Variants in NOL4 observed in about 807,000 individuals in gnomAD.
NOL4 encodes the protein nucleolar protein 4.
NOL4 carries 17 observed loss-of-function variants against 75.9 expected under a neutral mutation model. The observed-to-expected ratio is 0.22, with a 90% CI of 0.15 to 0.34. The LOEUF is 0.34. NOL4 is among the 10% of genes least tolerant of loss of function. The probability of loss-of-function intolerance (pLI) is 1.00; values close to 1 mark genes in which losing one functional copy is unlikely to be tolerated. For synonymous variants in NOL4, 292 were observed against 289.9 expected, an observed-to-expected ratio of 1.01 and a Z score of -0.07; for missense variants, 614 against 793.5, an observed-to-expected ratio of 0.77 and a Z score of 2.72.
At chr18:34,200,918 A>C (rs1164820821) in intron 1 of NOL4, among the ~76,000 whole-genome samples, 1 of 151,816 alleles carries the variant, frequency 6.6e-6, no homozygotes, top group Non-Finnish European at 1.5e-5. Flanking sequence ...AGTGGATAAG[A>C]AATTTCAAAC....
chr18:33,891,658 G>A (rs74568481), intron 9 of NOL4, among the ~76,000 whole-genome samples: 19 of 152,280 alleles, frequency 1.2e-4, no homozygotes, highest in African/African-American at 2.2e-4. Context: ...AATGAAATGC[G>A]CTTGCAGAAG....
intron 10 of NOL4, among the ~76,000 whole-genome samples, chr18:33,876,468 A>G (rs912126517): frequency 6.6e-6 from 1 of 152,080 alleles, no homozygotes; most frequent in Non-Finnish European, 1.5e-5. Context: ...CCTAAACTCA[A>G]GAATTCTCAA....
intron 6 of NOL4, among the ~76,000 whole-genome samples, chr18:33,970,924 G>T (rs1360152105): frequency 6.6e-6 from 1 of 152,132 alleles, no homozygotes; most frequent in African/African-American, 2.4e-5. Flanking sequence ...ATGAGTTTAT[G>T]TCATGCAAAC....
chr18:33,886,901 T>C (rs1259993187), intron 9 of NOL4, among the ~76,000 whole-genome samples: 1 of 134,948 alleles, frequency 7.4e-6, no homozygotes, highest in Non-Finnish European at 1.6e-5. Flanking sequence ...ATATATTATA[T>C]CTAGATATAT....
chr18:34,197,499 C>T (rs1042309193), intron 1 of NOL4, among the ~76,000 whole-genome samples: 6 of 151,912 alleles, frequency 3.9e-5, no homozygotes, highest in South Asian at 2.1e-4. Flanking sequence ...CAGAAGCTAA[C>T]GAATAGTGGC....
intron 1 of NOL4, among the ~76,000 whole-genome samples, chr18:34,219,950 C>T (rs915424718): frequency 2.0e-5 from 3 of 152,210 alleles, no homozygotes; most frequent in African/African-American, 7.2e-5. Flanking sequence ...TATGTCCCCT[C>T]AGGTTTAGAC....
chr18:33,973,012 T>C (rs1306006118), intron 6 of NOL4, among the ~76,000 whole-genome samples: 9 of 152,208 alleles, frequency 5.9e-5, no homozygotes, highest in African/African-American at 2.2e-4. Flanking sequence ...TTCCTTTCAT[T>C]CAAGATTTCT....
Position 34,104,134 on chromosome 18 carries a change from C to A in NOL4, c.552G>T (p.Val184=). ...HKDNGKPPTL[V]TSMIDYNMPI... ...GCATGTTGTAGTCAATCATGCTGGT[C>A]ACCAAAGTGGGAGGTTTTCCATTAT... The change falls in exon 4 of 11, where the codon GTG becomes GTT. Residue 184 remains valine, a synonymous_variant. Coordinates refer to ENST00000261592, the MANE Select transcript of NOL4 (RefSeq NM_003787.5). The A allele has an allele frequency of 6.2e-7, 1 of 1,610,824 alleles. No homozygotes were observed. The highest frequency in any genetic ancestry group is 1.1e-5 in the South Asian group (1 of 90,894).
At position 33,940,538 on chromosome 18, in the gene NOL4, G is replaced by A. The variant is rs537267047; in HGVS notation, c.1542+2527C>T. Among the ~76,000 whole-genome samples the A allele has an allele frequency of 1.3e-3, 193 of 152,068 alleles. 1 individual carries two copies. The highest frequency in any genetic ancestry group is 4.1e-3 in the African/African-American group (172 of 41,496). ...CACAGGGAGGGAACATCACACACCG[G>A]GGCCTGTCGGGGAGTAGGAGGCTAG... On this transcript the variant is annotated intron_variant, in intron 9 of 10. Transcript: ENST00000261592.
rs747723395 is a variant in NOL4, at chr18:34,019,478, T to C, written c.896A>G (p.Gln299Arg). Reference sequence around the variant, plus strand: ...ACTCAGGTTCAGTGGCTGTTCATCTTGCTCCAGCCCAGTTTTGCCATCACT... The same window carrying C: ...ACTCAGGTTCAGTGGCTGTTCATCTCGCTCCAGCCCAGTTTTGCCATCACT... ...SNSDGKTGLE[Q>R]DEQPLNLSDS... Residue 299 changes from glutamine (Q) to arginine (R), a missense_variant, in exon 6 of 11, where the codon CAA (glutamine) becomes CGA (arginine). Physicochemically the swap from Gln to Arg is conservative, Grantham distance 43 (BLOSUM62 1). Around this residue, in one of 9 missense-constraint regions of NOL4, gnomAD observed 196 missense variants for 167.9 expected, o/e 1.17. Transcript: ENST00000261592. The C allele has an allele frequency of 1.9e-6, 3 of 1,614,062 alleles. No homozygotes were observed. The highest frequency in any genetic ancestry group is 2.7e-5 in the African/African-American group (2 of 75,022).
chr18:34,080,278 T>G (rs1339491842), intron 5 of NOL4, among the ~76,000 whole-genome samples: 2 of 152,156 alleles, frequency 1.3e-5, no homozygotes, highest in Non-Finnish European at 2.9e-5. Flanking sequence ...TAGTTATACA[T>G]ATATTCCTAT....
intron 1 of NOL4, among the ~76,000 whole-genome samples, chr18:34,219,641 A>G (rs1219176799): frequency 6.6e-6 from 1 of 152,276 alleles, no homozygotes; most frequent in Non-Finnish European, 1.5e-5. Flanking sequence ...GATGTAATCA[A>G]TGTCAACCAT....
At chr18:33,971,933 A>G (rs969946186) in intron 6 of NOL4, among the ~76,000 whole-genome samples, 1 of 152,150 alleles carries the variant, frequency 6.6e-6, no homozygotes, top group African/African-American at 2.4e-5. Context: ...TGGGAGGCCA[A>G]GGCAGGTGGA....
intron 6 of NOL4, among the ~76,000 whole-genome samples, chr18:33,987,260 C>T (rs765673370): frequency 7.6e-4 from 115 of 152,076 alleles, no homozygotes; most frequent in African/African-American, 2.3e-3. Context: ...CTGAAATGAC[C>T]GTGATCATGA....
intron 1 of NOL4, among the ~76,000 whole-genome samples, chr18:34,172,811 C>T (rs2033176050): frequency 1.3e-5 from 2 of 151,926 alleles, no homozygotes; most frequent in Admixed American, 1.3e-4. Flanking sequence ...ATATTTACGT[C>T]TTATTTGGAA....
chr18:34,184,247 A>T (rs1452434160), intron 1 of NOL4, among the ~76,000 whole-genome samples: 1 of 151,828 alleles, frequency 6.6e-6, no homozygotes, highest in African/African-American at 2.4e-5. Flanking sequence ...CCTAAATAAG[A>T]TAATTATTTA....
intron 1 of NOL4, among the ~76,000 whole-genome samples, chr18:34,133,570 T>C (rs2080758874): frequency 6.6e-6 from 1 of 152,080 alleles, no homozygotes; most frequent in Non-Finnish European, 1.5e-5. Flanking sequence ...AAACAATAGG[T>C]AATTGATTTA....
chr18:34,164,179 G>A (rs2031975008), intron 1 of NOL4, among the ~76,000 whole-genome samples: 1 of 152,022 alleles, frequency 6.6e-6, no homozygotes, highest in Non-Finnish European at 1.5e-5. Flanking sequence ...ACATAGGCAT[G>A]GGCAAGGACT....
chr18:34,064,930 C>T (rs370957059), intron 5 of NOL4, among the ~76,000 whole-genome samples: 4 of 57,788 alleles, frequency 6.9e-5, no homozygotes, highest in Middle Eastern at 8.5e-3. Context: ...CACACACACA[C>T]ACACACACAC....
Sources: allele counts gnomAD v4.1 joint callset (sites outside exome capture counted in the v4.1 genomes callset), GRCh38; gene constraint gnomAD v4.1.1; regional missense constraint gnomAD v4.1.1; transcripts MANE v1.5; gene names NCBI Gene and HGNC (gene_info 2026-07-23, HGNC 2026-07-21).